The following VAV1 variants were observed in gnomAD, a reference collection of about 807,000 sequenced individuals.
VAV1 encodes the protein vav guanine nucleotide exchange factor 1, also known as proto-oncogene vav.
Under a neutral mutation model 128.1 loss-of-function variants are expected in VAV1, and 33 were observed. The observed-to-expected ratio is 0.26, with a 90% CI of 0.20 to 0.34. The LOEUF (loss-of-function observed/expected upper bound fraction) is 0.34. VAV1 is among the 10% of genes least tolerant of loss of function. The pLI is 1.00. For synonymous variants in VAV1, 394 were observed against 409.8 expected (o/e 0.96, Z 0.47); for missense variants, 715 against 1,093.7 (o/e 0.65, Z 4.88).
chr19:6,843,119 C>T lies in VAV1; in HGVS notation c.1981-16C>T, dbSNP rs917448468. On this transcript the variant is annotated splice_polypyrimidine_tract_variant and intron_variant, in intron 21 of 26. Transcript: ENST00000602142. ...GGGTCTTTACACTAAGTTGGGGTCTCTCTCTGTATTCTTAGGGCCCTCCTC... is the reference window on the plus strand; with the variant it reads ...GGGTCTTTACACTAAGTTGGGGTCTTTCTCTGTATTCTTAGGGCCCTCCTC... 2.5e-6 allele frequency: 4 copies of T among 1,614,038 alleles called. No individual in the cohort carries two copies. The highest frequency in any genetic ancestry group is 3.4e-6 in the Non-Finnish European group (4 of 1,179,988).
At chr19:6,817,933 G>A (rs572601902) in intron 1 of VAV1, among the ~76,000 whole-genome samples, 15 of 152,222 alleles carry the variant, frequency 9.9e-5, no homozygotes, top group East Asian at 5.8e-4. Context: ...TGATCCGCCC[G>A]CCTCGGCCTC....
At chr19:6,806,354 G>A (rs1017420003) in intron 1 of VAV1, among the ~76,000 whole-genome samples, 1 of 152,130 alleles carries the variant, frequency 6.6e-6, no homozygotes, top group African/African-American at 2.4e-5. Context: ...CAAAGTGCTG[G>A]GATTCCAGGC....
At chr19:6,814,697 T>TTTCTTTCTTTCTTTCC (rs1971599264) in intron 1 of VAV1, among the ~76,000 whole-genome samples, 1 of 129,630 alleles carries the variant, frequency 7.7e-6, no homozygotes, top group Non-Finnish European at 1.6e-5. Flanking sequence ...TCTTTCTTTC[T>TTTCTTTCTTTCTTTCC]TTCTTTCTTT....
intron 1 of VAV1, among the ~76,000 whole-genome samples, chr19:6,798,473 T>TAAATA (rs529820527): frequency 4.0e-5 from 6 of 151,286 alleles, no homozygotes; most frequent in African/African-American, 1.5e-4. Flanking sequence ...CTCTAATAAA[T>TAAATA]AATAAATAAA....
intron 26 of VAV1, among the ~76,000 whole-genome samples, chr19:6,856,416 G>C (rs1344837556): frequency 6.6e-6 from 1 of 151,662 alleles, no homozygotes; most frequent in Non-Finnish European, 1.5e-5. Flanking sequence ...ATGTGCTATA[G>C]AAAAAGATAA....
chr19:6,833,999 C>G, intron 19 of VAV1, 46 bp downstream of exon 19: 1 of 1,612,754 alleles, frequency 6.2e-7, no homozygotes, highest in Non-Finnish European at 8.5e-7. Context: ...GAAAATTCAT[C>G]TCTATTGATG....
At chr19:6,852,280 G>A (rs956729824) in intron 24 of VAV1, among the ~76,000 whole-genome samples, 1 of 152,152 alleles carries the variant, frequency 6.6e-6, no homozygotes, top group Non-Finnish European at 1.5e-5. Context: ...TTCCCAAGGT[G>A]CTGAGATTCC....
intron 1 of VAV1, among the ~76,000 whole-genome samples, chr19:6,789,566 T>G (rs1970972103): frequency 6.6e-6 from 1 of 151,382 alleles, no homozygotes. Context: ...CTTTCTTTTC[T>G]GTTCTGCTTT....
At chr19:6,808,022 TA>T (rs990261535) in intron 1 of VAV1, among the ~76,000 whole-genome samples, 2 of 142,868 alleles carry the variant, frequency 1.4e-5, no homozygotes, top group African/African-American at 2.6e-5. Flanking sequence ...AAGAAAAAGT[TA>T]AAAAAAAGGC....
intron 26 of VAV1, among the ~76,000 whole-genome samples, chr19:6,854,952 T>C (rs1972757080): frequency 6.6e-6 from 1 of 152,152 alleles, no homozygotes. Flanking sequence ...GCCTAATCAG[T>C]ACTGAATATA....
chr19:6,826,694 G>A lies in VAV1; in HGVS notation c.910G>A (p.Val304Met), dbSNP rs758873754. 15 of 1,553,978 alleles carry A rather than the reference G, an allele frequency of 9.7e-6. No homozygotes were observed. Among genetic ancestry groups the A allele is most frequent in the East Asian group, 2.4e-5 (1 of 41,744 alleles). Reference protein sequence around the residue: ...LDRVAAAREDVQMKLEECSQR... With the variant: ...LDRVAAAREDMQMKLEECSQR... ...CCGTGTGGCCGCAGCCCGGGAGGAC[G>A]TGCAGATGAAGCTGGAGGTGGGCGC... Residue 304 changes from valine (V) to methionine (M), a missense_variant, in exon 9 of 27, where the codon GTG (valine) becomes ATG (methionine). Around this residue, in one of 3 missense-constraint regions of VAV1, gnomAD observed 302 missense variants for 477.8 expected, o/e 0.63. Transcript: ENST00000602142. The surrounding 1 kb of genome is among the most constrained non-coding windows in gnomAD (Gnocchi z 4.1).
Position 6,820,868 on chromosome 19 carries a change from T to G in VAV1, c.321+50T>G. 1 of 1,559,290 alleles carries G rather than the reference T, an allele frequency of 6.4e-7. No homozygotes were observed. The highest frequency in any genetic ancestry group is 2.2e-5 in the East Asian group (1 of 44,572). On this transcript the variant is annotated intron_variant, in intron 2 of 26. Transcript: ENST00000602142. The surrounding 1 kb of genome is among the most constrained non-coding windows in gnomAD (Gnocchi z 4.4). Reference sequence around the variant, plus strand: ...AGACTGAGTTTCAGTTAATTTCTATTGACGTCTACACTGGGCAAGCTAAGG... The same window carrying G: ...AGACTGAGTTTCAGTTAATTTCTATGGACGTCTACACTGGGCAAGCTAAGG...
intron 22 of VAV1, among the ~76,000 whole-genome samples, chr19:6,844,783 G>A (rs753178432): frequency 1.7e-4 from 26 of 152,042 alleles, no homozygotes; most frequent in Non-Finnish European, 2.9e-4. Flanking sequence ...AGGCTCTCTC[G>A]TGGGTGCAAG....
intron 22 of VAV1, among the ~76,000 whole-genome samples, chr19:6,847,767 C>T (rs541983463): frequency 4.2e-4 from 64 of 152,328 alleles, no homozygotes; most frequent in African/African-American, 1.5e-3. Flanking sequence ...CCCCCCGAAT[C>T]CATGTGTCAA....
At chr19:6,790,298 T>C (rs1173723949) in intron 1 of VAV1, among the ~76,000 whole-genome samples, 2 of 152,206 alleles carry the variant, frequency 1.3e-5, no homozygotes, top group Non-Finnish European at 2.9e-5. Context: ...GCACAGGACA[T>C]AATGGACACA....
At chr19:6,819,119 C>CA (rs202103820) in intron 1 of VAV1, among the ~76,000 whole-genome samples, 75 of 151,348 alleles carry the variant, frequency 5.0e-4, no homozygotes, top group South Asian at 2.7e-3. Context: ...CCATCCCCCT[C>CA]AAAAAAAAGA....
intron 19 of VAV1, 59 bp from the exon 20 acceptor site, chr19:6,836,373 A>G: frequency 1.3e-6 from 2 of 1,562,010 alleles, no homozygotes; most frequent in African/African-American, 1.4e-5. Flanking sequence ...GTGGGTGGCA[A>G]GATTCAGGGT....
rs536094668 is a variant in VAV1 at position 6,834,004 on chromosome 19, T to C, written c.1777+51T>C. 100 of 1,612,314 alleles carry C rather than the reference T, an allele frequency of 6.2e-5. No individual in the cohort carries two copies. The Admixed American group carries it at 8.2e-4, about 13-fold the overall frequency. On this transcript the variant is annotated intron_variant, in intron 19 of 26. Transcript: ENST00000602142. ...GGGGCAGGAGGAAAATTCATCTCTA[T>C]TGATGTTGACCCAGGGACAGATCTC...
rs777672563 is a variant in VAV1 at position 6,836,511 on chromosome 19, C to T, written c.1857C>T (p.Leu619=). The T allele has an allele frequency of 6.2e-7, 1 of 1,614,074 alleles. No individual in the cohort carries two copies. Among genetic ancestry groups the T allele is most frequent in the Non-Finnish European group, 8.5e-7 (1 of 1,180,030 alleles). The change falls in exon 20 of 27, where the codon CTC becomes CTT. Residue 619 remains leucine, a synonymous_variant. Transcript: ENST00000602142. ...GAGCCATTGGACCCTTTCTACGGCT[C>T]AACCCTGGAGACATTGTGGAGCTCA... The part of the protein sequence containing the change: ...PPGAIGPFLR[L]NPGDIVELTK...
Sources: gnomAD v4.1 joint callset for allele counts (sites outside exome capture counted in the v4.1 genomes callset) on GRCh38, gnomAD v4.1.1 for gene constraint, gnomAD v4.1.1 regional missense constraint, Gnocchi (gnomAD v3.1) non-coding constraint, MANE v1.5 for transcripts, NCBI Gene and HGNC (gene_info 2026-07-23, HGNC 2026-07-21) for gene names.